Variants in GPC5 observed in about 807,000 individuals in gnomAD.
GPC5 encodes glypican-5.
In GPC5, 47 loss-of-function variants were observed where a neutral mutation model predicts 53.9. The ratio of observed to expected loss-of-function variants is 0.87; its 90% CI spans 0.69 to 1.11. The LOEUF is 1.11. GPC5 is among the 50% of genes most tolerant of loss of function. GPC5 has a pLI of 0.00. For synonymous variants in GPC5, 286 were observed against 263.3 expected (o/e 1.09, Z -0.84); for missense variants, 748 against 713.1 (o/e 1.05, Z -0.56).
chr13:92,734,829 C>T lies in GPC5; in HGVS notation c.1562-131453C>T, dbSNP rs1198912212. ...GATCCACAACACTTCGATTCCAACA[C>T]AAATACTTTGCAGTCTTCCTAAAAG... On this transcript the variant is annotated intron_variant, in intron 7 of 7. Transcript: ENST00000377067. 3.9e-5 allele frequency among the ~76,000 whole-genome samples: 6 copies of T among 151,920 alleles called. 1 individual carries two copies. The highest frequency in any genetic ancestry group is 3.3e-4 in the Admixed American group (5 of 15,192).
At chr13:92,739,709 AAAAAAAAAAG>A (rs68118265) in intron 7 of GPC5, among the ~76,000 whole-genome samples, 4,781 of 148,674 alleles carry the variant, frequency 0.032, 325 homozygotes, top group East Asian at 0.28. Flanking sequence ...TCCCATCTTA[AAAAAAAAAAG>A]AAAAAAAAAG....
intron 6 of GPC5, among the ~76,000 whole-genome samples, chr13:92,039,694 G>A (rs2040926785): frequency 6.6e-6 from 1 of 152,142 alleles, no homozygotes; most frequent in Admixed American, 6.5e-5. Context: ...ATTGATTTCT[G>A]ATGCTTCGCT....
intron 2 of GPC5, among the ~76,000 whole-genome samples, chr13:91,583,408 T>C (rs1167308368): frequency 2.0e-5 from 3 of 152,108 alleles, no homozygotes; most frequent in Non-Finnish European, 4.4e-5. Flanking sequence ...TAAAATAAAC[T>C]TTACCAAGAA....
chr13:92,058,577 T>G (rs1005243448), intron 6 of GPC5, among the ~76,000 whole-genome samples: 2 of 152,194 alleles, frequency 1.3e-5, no homozygotes, highest in African/African-American at 4.8e-5. Context: ...CTTATTTATT[T>G]ATTTTTTTGA....
chr13:92,135,273 T>C (rs1229556990), intron 6 of GPC5, among the ~76,000 whole-genome samples: 3 of 152,212 alleles, frequency 2.0e-5, no homozygotes, highest in Non-Finnish European at 4.4e-5. Flanking sequence ...TTCATATAGA[T>C]GTTTCACAAG....
chr13:92,541,032 A>G (rs1241703823), intron 7 of GPC5, among the ~76,000 whole-genome samples: 2 of 151,914 alleles, frequency 1.3e-5, no homozygotes, highest in Non-Finnish European at 2.9e-5. Flanking sequence ...TGAAGATTCA[A>G]GTAAATAAGG....
rs569045719 is a variant in GPC5, at chr13:91,513,840, A to G, written c.325+64918A>G. 3.3e-5 allele frequency among the ~76,000 whole-genome samples: 5 copies of G among 152,306 alleles called. No homozygotes were observed. In the East Asian group the frequency reaches 7.7e-4, roughly 23 times the overall value. ...TCTCCTTCCACAGCTTTTTCCTTGT[A>G]ATTCCTGAAAAACACTGACTTGTTC... On this transcript the variant is annotated intron_variant, in intron 2 of 7. Coordinates refer to ENST00000377067, the MANE Select transcript of GPC5 (RefSeq NM_004466.6).
At chr13:92,084,044 T>G (rs972480619) in intron 6 of GPC5, among the ~76,000 whole-genome samples, 1 of 152,154 alleles carries the variant, frequency 6.6e-6, no homozygotes, top group African/African-American at 2.4e-5. Context: ...ACACAGCATG[T>G]TCTCACTTAT....
chr13:92,274,203 A>G (rs1464141057), intron 7 of GPC5, among the ~76,000 whole-genome samples: 2 of 152,146 alleles, frequency 1.3e-5, no homozygotes, highest in African/African-American at 2.4e-5. Context: ...TTCATTATAG[A>G]TACGGATTAC....
At chr13:92,206,226 C>T (rs1412338815) in intron 7 of GPC5, among the ~76,000 whole-genome samples, 3 of 141,836 alleles carry the variant, frequency 2.1e-5, no homozygotes, top group East Asian at 4.4e-4. Flanking sequence ...AGTGTAGTGG[C>T]GCAATCTCGG....
At chr13:92,772,858 A>T (rs1243497632) in intron 7 of GPC5, among the ~76,000 whole-genome samples, 4 of 152,204 alleles carry the variant, frequency 2.6e-5, no homozygotes, top group Non-Finnish European at 5.9e-5. Flanking sequence ...TGCCAAATAG[A>T]GTTCAGATAA....
At position 92,527,339 on chromosome 13, in the gene GPC5, C is replaced by T. The variant is rs17437291; in HGVS notation, c.1562-338943C>T. Among the ~76,000 whole-genome samples, 4 of 150,882 alleles carry T rather than the reference C, an allele frequency of 2.7e-5. No homozygotes were observed. In the East Asian group the frequency reaches 5.8e-4, roughly 22 times the overall value. ...AACTCTGGGACCTACCATATTTATGCGTCCAACAGAGGAGGAAAAGGCAAG... is the reference window on the plus strand; with the variant it reads ...AACTCTGGGACCTACCATATTTATGTGTCCAACAGAGGAGGAAAAGGCAAG... On this transcript the variant is annotated intron_variant, in intron 7 of 7. Transcript: ENST00000377067.
intron 7 of GPC5, among the ~76,000 whole-genome samples, chr13:92,209,405 A>G (rs189211275): frequency 4.5e-4 from 69 of 152,310 alleles, no homozygotes; most frequent in African/African-American, 1.7e-3. Context: ...CATTGGGGTT[A>G]AGTTTCAACT....
intron 7 of GPC5, among the ~76,000 whole-genome samples, chr13:92,259,394 C>T (rs1594044257): frequency 1.3e-5 from 2 of 152,270 alleles, no homozygotes; most frequent in South Asian, 4.2e-4. Flanking sequence ...TTTTTGTCTC[C>T]TGCTGTTCCT....
At chr13:92,074,688 G>A (rs2041238820) in intron 6 of GPC5, among the ~76,000 whole-genome samples, 1 of 152,164 alleles carries the variant, frequency 6.6e-6, no homozygotes, top group African/African-American at 2.4e-5. Context: ...GAAGTTCTAA[G>A]GAAGGTAGGC....
intron 7 of GPC5, among the ~76,000 whole-genome samples, chr13:92,148,775 CTCT>C (rs1376655202): frequency 6.6e-6 from 1 of 152,016 alleles, no homozygotes; most frequent in Non-Finnish European, 1.5e-5. Context: ...AAAAATAATT[CTCT>C]TCTTTTGGCC....
At chr13:91,488,873 C>T (rs551786045) in intron 2 of GPC5, among the ~76,000 whole-genome samples, 1 of 152,322 alleles carries the variant, frequency 6.6e-6, no homozygotes, top group East Asian at 1.9e-4. Context: ...TTATTTTCCT[C>T]AGCAAGGAAC....
At chr13:92,000,718 C>G (rs1307143562) in intron 6 of GPC5, among the ~76,000 whole-genome samples, 1 of 152,160 alleles carries the variant, frequency 6.6e-6, no homozygotes, top group Non-Finnish European at 1.5e-5. Flanking sequence ...AGCACATCCT[C>G]AGATGCTGGC....
intron 6 of GPC5, among the ~76,000 whole-genome samples, chr13:92,044,691 A>G (rs2040967457): frequency 6.6e-6 from 1 of 152,236 alleles, no homozygotes; most frequent in Non-Finnish European, 1.5e-5. Context: ...CACCTTATCA[A>G]CCAGCTTTTA....
Sources: gnomAD v4.1 joint callset for allele counts (sites outside exome capture counted in the v4.1 genomes callset) on GRCh38, gnomAD v4.1.1 for gene constraint, MANE v1.5 for transcripts, NCBI Gene and HGNC (gene_info 2026-07-23, HGNC 2026-07-21) for gene names.